Variants in ATP13A2 observed in about 807,000 individuals in gnomAD.
The protein encoded by ATP13A2 is polyamine-transporting ATPase 13A2.
Under a neutral mutation model 138.3 loss-of-function variants are expected in ATP13A2, and 83 were observed. The observed-to-expected ratio is 0.60, with a 90% CI of 0.50 to 0.72. The LOEUF is 0.72. Ranked by LOEUF, ATP13A2 falls within the 30% of genes least tolerant of loss-of-function variation. The pLI, the probability that ATP13A2 is intolerant of heterozygous loss-of-function variation, is 0.00. For synonymous variants in ATP13A2, 663 were observed against 699.0 expected (o/e 0.95, Z 0.81); for missense variants, 1,402 against 1,606.4 (o/e 0.87, Z 2.17).
intron 11 of ATP13A2, among the ~76,000 whole-genome samples, chr1:16,997,510 AC>A (rs1264402688): frequency 6.8e-6 from 1 of 146,470 alleles, no homozygotes; most frequent in Admixed American, 7.3e-5. Context: ...TTATTTTATA[AC>A]ATGCATGGAG....
rs893881406 is a variant in ATP13A2, at chr1:16,988,061, C to T, written c.2859+77G>A. ...CCCACGTCATCTATTCTGGGACCTG[C>T]CAGCTCCAAGGCACAGGGCTGTGTC... On this transcript the variant is annotated intron_variant, in intron 25 of 28. Coordinates refer to ENST00000326735, the MANE Select transcript of ATP13A2 (RefSeq NM_022089.4). 1.8e-4 allele frequency: 247 copies of T among 1,342,856 alleles called. 2 individuals carry two copies. Among genetic ancestry groups the T allele is most frequent in the South Asian group, 1.6e-3 (132 of 83,686 alleles). 83.2% of individuals were successfully genotyped at this position (1,342,856 alleles called of 1,614,324 possible). A position where few individuals can be genotyped will look rare whatever the true frequency, so the allele number is the denominator to read the frequency against.
At position 16,990,324 on chromosome 1, in the gene ATP13A2, T is replaced by C. The variant is rs1211724217; in HGVS notation, c.2252-37A>G. 3.1e-6 allele frequency: 5 copies of C among 1,612,326 alleles called. No individual in the cohort carries two copies. The Admixed American group carries it at 6.7e-5, about 22-fold the overall frequency. ...GGGGCAAGGTGAGGGTCTGAGGCTATCCGGGGAGGCCATCCTCATCCTGAT... is the reference window on the plus strand; with the variant it reads ...GGGGCAAGGTGAGGGTCTGAGGCTACCCGGGGAGGCCATCCTCATCCTGAT... On this transcript the variant is annotated intron_variant, in intron 20 of 28. Coordinates refer to ENST00000326735, the MANE Select transcript of ATP13A2 (RefSeq NM_022089.4).
chr1:16,991,891 T>C, intron 19 of ATP13A2, 33 bp from the exon 20 acceptor site: 12 of 1,613,902 alleles, frequency 7.4e-6, no homozygotes, highest in Non-Finnish European at 1.0e-5. Flanking sequence ...TCAGAGGTCA[T>C]GCAGTGGCCA....
In ATP13A2 at chr1:17,004,697, C is replaced by T. The variant is rs113643181; in HGVS notation, c.472G>A (p.Gly158Arg). ...AGGACTTTTTCAGAACCCACCTGTCCGACACTCACCGCCTCCTCGCTCTTG... is the reference window on the plus strand; with the variant it reads ...AGGACTTTTTCAGAACCCACCTGTCTGACACTCACCGCCTCCTCGCTCTTG... The part of the protein sequence containing the change: ...LHKSEEAVSV[G>R]QKRVLRYYLF... The change falls in exon 5 of 29, where the codon GGA becomes AGA. Residue 158 changes from glycine (G) to arginine (R), a missense_variant. Transcript: ENST00000326735. This position sits in a 1 kb window ranked among gnomAD's most constrained non-coding sequence, Gnocchi z 4.1. 104 of 1,614,032 alleles carry T rather than the reference C, an allele frequency of 6.4e-5. No individual in the cohort carries two copies. In the African/African-American group the frequency reaches 7.9e-4, roughly 12 times the overall value.
Position 16,995,886 on chromosome 1 carries a change from G to T in ATP13A2, c.1542+90C>A. The T allele has an allele frequency of 6.7e-7, 1 of 1,497,202 alleles. No individual in the cohort carries two copies. Among genetic ancestry groups the T allele is most frequent in the Non-Finnish European group, 9.2e-7 (1 of 1,092,580 alleles). 92.7% of individuals were successfully genotyped at this position (1,497,202 alleles called of 1,614,324 possible). A position where few individuals can be genotyped will look rare whatever the true frequency, so the allele number is the denominator to read the frequency against. On this transcript the variant is annotated intron_variant, in intron 15 of 28. Coordinates refer to ENST00000326735, the MANE Select transcript of ATP13A2 (RefSeq NM_022089.4). This position sits in a 1 kb window ranked among gnomAD's most constrained non-coding sequence, Gnocchi z 4.1. ...AGACAGGACCTGGCATCCTGTGGGT[G>T]CTGCTGAGAGAATAACGCGGGTGTG...
chr1:16,999,981 G>A (rs1281698613), intron 11 of ATP13A2, 30 bp downstream of exon 11: 1 of 1,577,568 alleles, frequency 6.3e-7, no homozygotes, highest in Non-Finnish European at 8.6e-7. Flanking sequence ...GGGGAGGAAG[G>A]AAGCTGCAGG....
intron 8 of ATP13A2, chr1:17,000,786 A>T: frequency 2.0e-6 from 1 of 502,484 alleles, no homozygotes; most frequent in East Asian, 3.5e-5. Context: ...TACAAAAAAT[A>T]CAAAAATTAG....
rs778562581 is a variant in ATP13A2 at position 16,988,208 on chromosome 1, G to C, written c.2789C>G (p.Ser930Trp). 1.2e-6 allele frequency: 2 copies of C among 1,614,184 alleles called. No homozygotes were observed. Among genetic ancestry groups the C allele is most frequent in the Non-Finnish European group, 1.7e-6 (2 of 1,180,022 alleles). The change falls in exon 25 of 29, where the codon TCG becomes TGG. Residue 930 changes from serine to tryptophan, a missense_variant. Ser to Trp is a radical substitution (Grantham distance 177, BLOSUM62 -3). Transcript: ENST00000326735. ...IREGRCSLDT[S>W]FSVFKYMALY... ...AGCCATGTACTTGAAGACGCTGAAC[G>C]AAGTGTCAAGGGAACAGCGCCCCTC...
Position 16,989,710 on chromosome 1 carries a change from A to G in ATP13A2, c.2590T>C (p.Cys864Arg), listed in dbSNP as rs1234297397. ...MAPEQKTELV[C>R]ELQKLQYCVG... ...ACTCACTGAAGCTTCTGTAGCTCGC[A>G]CACCAGCTCTGTCTTCTGCTCAGGG... is the stretch of plus-strand genomic sequence containing the variant. Residue 864 changes from cysteine to arginine, a missense_variant, in exon 23 of 29, where the codon TGC becomes CGC. Transcript: ENST00000326735. The G allele has an allele frequency of 6.2e-7, 1 of 1,613,944 alleles. No individual in the cohort carries two copies. Among genetic ancestry groups the G allele is most frequent in the East Asian group, 2.2e-5 (1 of 44,880 alleles).
chr1:16,994,085 C>T (rs1272173125), intron 15 of ATP13A2, among the ~76,000 whole-genome samples: 2 of 152,094 alleles, frequency 1.3e-5, no homozygotes, highest in African/African-American at 4.8e-5. Context: ...CCTTAACTCC[C>T]AAGTTAGGGC....
chr1:17,011,791 C>A lies in ATP13A2; in HGVS notation c.-53G>T. On this transcript the variant is annotated 5_prime_UTR_variant, in exon 1 of 29. Transcript: ENST00000326735. The surrounding 1 kb of genome is among the most constrained non-coding windows in gnomAD (Gnocchi z 7.3). ...CCGGCGCTGCGGCCCTCGGCCTGGG[C>A]CCCGGCGTGCGCAAGGCCCTGGGCG... 7.5e-7 allele frequency: 1 copy of A among 1,333,596 alleles called. No homozygotes were observed. Among genetic ancestry groups the A allele is most frequent in the Non-Finnish European group, 9.6e-7 (1 of 1,041,370 alleles). 82.6% of individuals were successfully genotyped at this position (1,333,596 alleles called of 1,614,324 possible). A position where few individuals can be genotyped will look rare whatever the true frequency, so the allele number is the denominator to read the frequency against.
Position 16,995,836 on chromosome 1 carries a change from G to T in ATP13A2, c.1542+140C>A. The T allele has an allele frequency of 9.8e-7, 1 of 1,019,078 alleles. No homozygotes were observed. Among genetic ancestry groups the T allele is most frequent in the Non-Finnish European group, 1.5e-6 (1 of 673,418 alleles). 63.1% of individuals were successfully genotyped at this position (1,019,078 alleles called of 1,614,324 possible). On this transcript the variant is annotated intron_variant, in intron 15 of 28. Coordinates refer to ENST00000326735, the MANE Select transcript of ATP13A2 (RefSeq NM_022089.4). The surrounding 1 kb of genome is among the most constrained non-coding windows in gnomAD (Gnocchi z 4.1). ...AGTGAGGGCAGGAGTGGGATGGGGTGGATCCTCTGGGGGTTTCCATCCCTA... is the reference window on the plus strand; with the variant it reads ...AGTGAGGGCAGGAGTGGGATGGGGTTGATCCTCTGGGGGTTTCCATCCCTA...
rs557852555 is a variant in ATP13A2 at position 16,992,116 on chromosome 1, G to A, written c.2019C>T (p.Phe673=). The change falls in exon 19 of 29, where the codon TTC becomes TTT. Residue 673 remains phenylalanine, a synonymous_variant. Transcript: ENST00000326735. ...CTGTATAGCTCTGCAGCATCTGGGC[G>A]AAGTCGGTGGGCACTGCCAGGGAGA... ...LCNPETVPTD[F]AQMLQSYTAA... 8.1e-6 allele frequency: 13 copies of A among 1,613,218 alleles called. No homozygotes were observed. Among genetic ancestry groups the A allele is most frequent in the Admixed American group, 1.7e-5 (1 of 60,004 alleles).
Position 16,996,005 on chromosome 1 carries a change from C to G in ATP13A2, c.1513G>C (p.Gly505Arg), listed in dbSNP as rs546568802. The change falls in exon 15 of 29, where the codon GGC becomes CGC. Residue 505 changes from glycine to arginine, a missense_variant. By Grantham distance (125) the Gly-to-Arg change is moderately radical (BLOSUM62 -2). Coordinates refer to ENST00000326735, the MANE Select transcript of ATP13A2 (RefSeq NM_022089.4). Reference protein sequence around the residue: ...CIHPLRINLGGKLQLVCFDKT... With the variant: ...CIHPLRINLGRKLQLVCFDKT... ...TCGAAACACACCAGCTGCAGCTTGC[C>G]CCCCAGGTTGATGCGCAGTGGGTGG... 1 of 1,614,070 alleles carries G rather than the reference C, an allele frequency of 6.2e-7. No homozygotes were observed. The highest frequency in any genetic ancestry group is 2.2e-5 in the East Asian group (1 of 44,882).
At chr1:16,996,228 C>A (rs777518719) in intron 14 of ATP13A2, 26 bp downstream of exon 14, 10 of 1,613,772 alleles carry the variant, frequency 6.2e-6, no homozygotes, top group East Asian at 2.2e-5. Context: ...GCTGGCAGCA[C>A]CCCCCACCCC....
intron 11 of ATP13A2, among the ~76,000 whole-genome samples, chr1:16,998,784 T>TG (rs977382300): frequency 1.0e-3 from 152 of 152,224 alleles, no homozygotes; most frequent in African/African-American, 3.6e-3. Flanking sequence ...AGCCATGAGG[T>TG]GGGGCCATCC....
chr1:17,007,093 G>C (rs1425961776), intron 1 of ATP13A2, among the ~76,000 whole-genome samples: 1 of 152,128 alleles, frequency 6.6e-6, no homozygotes, highest in Non-Finnish European at 1.5e-5. Flanking sequence ...TGGTCAGGGT[G>C]GTCTCAAACT....
rs2100870661 is a variant in ATP13A2 at position 16,995,697 on chromosome 1, C to T, written c.1542+279G>A. 2 of 505,030 alleles carry T rather than the reference C, an allele frequency of 4.0e-6. No individual in the cohort carries two copies. Among genetic ancestry groups the T allele is most frequent in the Non-Finnish European group, 7.4e-6 (2 of 271,790 alleles). 31.3% of individuals were successfully genotyped at this position (505,030 alleles called of 1,614,324 possible). On this transcript the variant is annotated intron_variant, in intron 15 of 28. Transcript: ENST00000326735. The surrounding 1 kb of genome is among the most constrained non-coding windows in gnomAD (Gnocchi z 4.1). ...CTGACCTCAAGTGATGTATCTGCCT[C>T]AGCCTCCCAAAGTGCTGGGATTACA...
intron 8 of ATP13A2, 22 bp downstream of exon 8, chr1:17,002,012 C>T (rs1421782983): frequency 1.2e-6 from 2 of 1,601,558 alleles, no homozygotes. Context: ...AGGGCTGGGG[C>T]AAGACCCAGG....
Sources: allele counts gnomAD v4.1 joint callset (sites outside exome capture counted in the v4.1 genomes callset), GRCh38; gene constraint gnomAD v4.1.1; non-coding constraint Gnocchi (gnomAD v3.1); transcripts MANE v1.5; gene names NCBI Gene and HGNC (gene_info 2026-07-23, HGNC 2026-07-21).